The following CSMD1 variants were observed in gnomAD, a reference collection of about 807,000 sequenced individuals.
The protein encoded by CSMD1 is CUB and sushi domain-containing protein 1.
CSMD1 carries 213 observed loss-of-function variants against 417.5 expected under a neutral mutation model. That is an observed-to-expected ratio of 0.51 (90% CI 0.46 to 0.57). CSMD1 has a LOEUF of 0.57. CSMD1 is among the 20% of genes least tolerant of loss of function. The pLI, the probability that CSMD1 is intolerant of heterozygous loss-of-function variation, is 0.00. For missense variants in CSMD1, 6,923 were observed against 4,529.7 expected (o/e 1.53, Z -15.17); for synonymous variants, 2,862 against 1,736.8 (o/e 1.65, Z -16.11).
chr8:4,305,319 C>CA (rs1798187908), intron 3 of CSMD1, among the ~76,000 whole-genome samples: 1 of 152,064 alleles, frequency 6.6e-6, no homozygotes, highest in Non-Finnish European at 1.5e-5. Flanking sequence ...CAGGCCGCCA[C>CA]AAAGCCAGGC....
chr8:4,320,619 T>C (rs964348968), intron 3 of CSMD1, among the ~76,000 whole-genome samples: 3 of 152,182 alleles, frequency 2.0e-5, no homozygotes, highest in Non-Finnish European at 1.5e-5. Context: ...TTTGGCTTTC[T>C]GTTCTTGTGT....
intron 5 of CSMD1, among the ~76,000 whole-genome samples, chr8:3,815,419 T>A (rs955859624): frequency 6.6e-6 from 1 of 152,186 alleles, no homozygotes; most frequent in Non-Finnish European, 1.5e-5. Flanking sequence ...ATTAATTATA[T>A]TGATAGTATA....
intron 17 of CSMD1, among the ~76,000 whole-genome samples, chr8:3,394,027 TA>T (rs1811530348): frequency 1.6e-5 from 1 of 63,036 alleles, no homozygotes; most frequent in Non-Finnish European, 3.3e-5. Flanking sequence ...TATATATATA[TA>T]TATATATATA....
chr8:3,116,892 A>C (rs1250662719), intron 42 of CSMD1, among the ~76,000 whole-genome samples: 4 of 152,124 alleles, frequency 2.6e-5, no homozygotes, highest in African/African-American at 9.7e-5. Context: ...CTAGAACGGA[A>C]AGTAGACTTA....
chr8:4,326,991 G>A (rs1799597018), intron 3 of CSMD1, among the ~76,000 whole-genome samples: 1 of 152,114 alleles, frequency 6.6e-6, no homozygotes, highest in Non-Finnish European at 1.5e-5. Context: ...AACCTGAGAA[G>A]GAAAACGAAA....
chr8:4,592,833 G>A (rs1800060044), intron 2 of CSMD1, among the ~76,000 whole-genome samples: 1 of 152,016 alleles, frequency 6.6e-6, no homozygotes, highest in Non-Finnish European at 1.5e-5. Context: ...TTTAATCATT[G>A]TAATACTATT....
chr8:3,627,598 A>C (rs1053886876), intron 7 of CSMD1, among the ~76,000 whole-genome samples: 8 of 152,216 alleles, frequency 5.3e-5, no homozygotes, highest in Non-Finnish European at 1.2e-4. Context: ...CTAATATTAT[A>C]TTCTATAGTG....
intron 12 of CSMD1, among the ~76,000 whole-genome samples, chr8:3,455,803 C>T (rs1019697277): frequency 1.3e-5 from 2 of 152,214 alleles, no homozygotes; most frequent in Admixed American, 6.5e-5. Flanking sequence ...AGATCTCAAG[C>T]TGCATGCTGG....
chr8:4,837,751 G>C (rs566286668), intron 1 of CSMD1, among the ~76,000 whole-genome samples: 2 of 152,194 alleles, frequency 1.3e-5, no homozygotes, highest in African/African-American at 4.8e-5. Flanking sequence ...ATAACAAAGA[G>C]TATAACTACA....
chr8:3,824,209 G>T (rs1022884062), intron 5 of CSMD1, among the ~76,000 whole-genome samples: 3 of 151,472 alleles, frequency 2.0e-5, no homozygotes, highest in African/African-American at 7.3e-5. Context: ...TCCTGACAGA[G>T]TTGTTGATTT....
chr8:3,870,218 C>T (rs138084259), intron 5 of CSMD1, among the ~76,000 whole-genome samples: 132 of 152,252 alleles, frequency 8.7e-4, no homozygotes, highest in African/African-American at 3.1e-3. Flanking sequence ...CCATATTTCT[C>T]TTTCTAGCAA....
intron 1 of CSMD1, among the ~76,000 whole-genome samples, chr8:4,888,719 G>T (rs1213705060): frequency 1.3e-5 from 2 of 152,070 alleles, no homozygotes; most frequent in Admixed American, 6.5e-5. Context: ...CCGGTGCAGG[G>T]AAAGTGCAGG....
intron 26 of CSMD1, among the ~76,000 whole-genome samples, chr8:3,280,079 C>T (rs919134786): frequency 1.3e-5 from 2 of 152,108 alleles, no homozygotes; most frequent in Non-Finnish European, 2.9e-5. Flanking sequence ...CCCGGGGTAC[C>T]TGAAGAGAGA....
Position 4,506,834 on chromosome 8 carries a change from G to C in CSMD1, c.303-86769C>G, listed in dbSNP as rs377082371. Among the ~76,000 whole-genome samples the C allele has an allele frequency of 1.2e-4, 19 of 152,288 alleles. No homozygotes were observed. In the South Asian group the frequency reaches 3.9e-3, roughly 32 times the overall value. On this transcript the variant is annotated intron_variant, in intron 2 of 69. Coordinates refer to ENST00000635120, the MANE Select transcript of CSMD1 (RefSeq NM_033225.6). ...ACTACACATCTTTTAAATTAGGATA[G>C]AAATCCATGTCTTATATTTGTACGA...
chr8:3,642,431 G>A (rs1211067007), intron 7 of CSMD1, among the ~76,000 whole-genome samples: 1 of 152,022 alleles, frequency 6.6e-6, no homozygotes, highest in Non-Finnish European at 1.5e-5. Context: ...ATACCTATAT[G>A]GCTCTAAAGA....
At chr8:3,365,839 C>T (rs993793145) in intron 20 of CSMD1, among the ~76,000 whole-genome samples, 2 of 152,136 alleles carry the variant, frequency 1.3e-5, no homozygotes, top group Admixed American at 6.5e-5. Context: ...TTAGGGGTGT[C>T]GATCCCCGCA....
intron 36 of CSMD1, chr8:3,182,846 G>GTGTGTT (rs1821468720): frequency 1.3e-5 from 1 of 75,242 alleles, no homozygotes; most frequent in Non-Finnish European, 2.6e-5. Flanking sequence ...AAGAAGGTGT[G>GTGTGTT]TGTGTGTGTG....
intron 3 of CSMD1, among the ~76,000 whole-genome samples, chr8:4,077,724 A>C (rs536855197): frequency 1.3e-5 from 2 of 152,150 alleles, no homozygotes; most frequent in East Asian, 3.9e-4. Context: ...CCATTCTCAA[A>C]TTTGCTCTTT....
intron 5 of CSMD1, among the ~76,000 whole-genome samples, chr8:3,962,662 G>A (rs1812406865): frequency 6.6e-6 from 1 of 152,118 alleles, no homozygotes; most frequent in Admixed American, 6.5e-5. Context: ...AGTTAGATAT[G>A]GAAATCAGAG....
Sources: gnomAD v4.1 joint callset for allele counts (sites outside exome capture counted in the v4.1 genomes callset) on GRCh38, gnomAD v4.1.1 for gene constraint, MANE v1.5 for transcripts, NCBI Gene and HGNC (gene_info 2026-07-23, HGNC 2026-07-21) for gene names.